DDX10: variants seen among roughly 807,000 people sequenced by gnomAD.
The protein encoded by DDX10 is probable ATP-dependent RNA helicase DDX10.
DDX10 carries 74 observed loss-of-function variants against 104.3 expected under a neutral mutation model. The observed-to-expected ratio is 0.71, with a 90% CI of 0.59 to 0.86. DDX10 has a LOEUF of 0.86. Ranked by LOEUF, DDX10 falls within the 40% of genes least tolerant of loss-of-function variation. The pLI is 0.00. For synonymous variants in DDX10, 351 were observed against 353.4 expected, an observed-to-expected ratio of 0.99 and a Z score of 0.08; for missense variants, 952 against 1,040.0, an observed-to-expected ratio of 0.92 and a Z score of 1.16.
At chr11:108,761,145 G>T (rs921114276) in intron 13 of DDX10, among the ~76,000 whole-genome samples, 1 of 151,980 alleles carries the variant, frequency 6.6e-6, no homozygotes, top group Admixed American at 6.6e-5. Flanking sequence ...CAAGGACCTG[G>T]TTAGTTTTCT....
At chr11:108,694,338 C>G (rs542644813) in intron 9 of DDX10, among the ~76,000 whole-genome samples, 3 of 152,146 alleles carry the variant, frequency 2.0e-5, no homozygotes, top group Non-Finnish European at 4.4e-5. Flanking sequence ...CAAAGATCCA[C>G]AGAGCCAGGA....
intron 7 of DDX10, 69 bp downstream of exon 7, chr11:108,689,131 A>G: frequency 6.6e-7 from 1 of 1,506,874 alleles, no homozygotes; most frequent in Admixed American, 1.7e-5. Flanking sequence ...AATCAATTAG[A>G]CAAATTATTA....
At chr11:108,885,556 G>C (rs113377173) in intron 16 of DDX10, among the ~76,000 whole-genome samples, 6 of 151,684 alleles carry the variant, frequency 4.0e-5, no homozygotes, top group African/African-American at 1.2e-4. Context: ...CAGGGTTTCG[G>C]GTTTCACAGG....
chr11:108,707,284 T>C (rs1443648967), intron 10 of DDX10, among the ~76,000 whole-genome samples: 1 of 152,206 alleles, frequency 6.6e-6, no homozygotes, highest in Non-Finnish European at 1.5e-5. Flanking sequence ...CCCCTCCCCC[T>C]GAACCTCTGA....
intron 13 of DDX10, chr11:108,727,732 T>A (rs994885220): frequency 4.9e-5 from 8 of 162,184 alleles, no homozygotes; most frequent in Non-Finnish European, 9.8e-5. Context: ...TAAGGTACAA[T>A]GTCCTTACCT....
intron 11 of DDX10, 86 bp downstream of exon 11, chr11:108,716,052 A>G (rs1473068803): frequency 1.3e-6 from 1 of 758,146 alleles, no homozygotes; most frequent in Non-Finnish European, 2.3e-6. Context: ...TTGCATGTTT[A>G]TGCTTCAGAT....
intron 13 of DDX10, among the ~76,000 whole-genome samples, chr11:108,795,776 A>G (rs186610923): frequency 2.0e-5 from 3 of 152,114 alleles, no homozygotes; most frequent in East Asian, 1.9e-4. Flanking sequence ...AGTCTTTGCT[A>G]TTGTGAATAG....
intron 17 of DDX10, among the ~76,000 whole-genome samples, chr11:108,924,130 G>A (rs539858576): frequency 5.3e-4 from 81 of 151,898 alleles, no homozygotes; most frequent in African/African-American, 1.4e-3. Flanking sequence ...AGAAACAGCC[G>A]GATGTTCCAG....
intron 1 of DDX10, among the ~76,000 whole-genome samples, chr11:108,670,953 T>A (rs1304045780): frequency 6.6e-6 from 1 of 152,086 alleles, no homozygotes; most frequent in Non-Finnish European, 1.5e-5. Context: ...ACCAGAGAGT[T>A]GTGAGAAGTA....
At chr11:108,713,787 T>G (rs2094287682) in intron 10 of DDX10, among the ~76,000 whole-genome samples, 1 of 152,198 alleles carries the variant, frequency 6.6e-6, no homozygotes, top group Non-Finnish European at 1.5e-5. Context: ...ATGTTAGTGC[T>G]GTGGTGGTAA....
chr11:108,842,284 G>A (rs1289534416), intron 15 of DDX10, among the ~76,000 whole-genome samples: 1 of 152,028 alleles, frequency 6.6e-6, no homozygotes, highest in Admixed American at 6.5e-5. Context: ...ATTTTTTAAA[G>A]AACTTTCTTT....
intron 17 of DDX10, among the ~76,000 whole-genome samples, chr11:108,931,191 T>G (rs1863971890): frequency 6.6e-6 from 1 of 152,128 alleles, no homozygotes; most frequent in Admixed American, 6.5e-5. Context: ...CCTTACATGG[T>G]AAAGACCAAT....
rs1367105360 is a variant in DDX10 at position 108,804,626 on chromosome 11, C to T, written c.1966-33820C>T. On this transcript the variant is annotated intron_variant, in intron 13 of 17. Transcript: ENST00000322536. ...GCACAGCTTAGCTGGGATCTCTGCT[C>T]AGGGTCTCATAAGGCTGCAATTAAG... Among the ~76,000 whole-genome samples, 3 of 152,156 alleles carry T rather than the reference C, an allele frequency of 2.0e-5. No homozygotes were observed. The East Asian group carries it at 5.8e-4, about 29-fold the overall frequency.
chr11:108,738,784 G>A (rs1328057214), intron 13 of DDX10, among the ~76,000 whole-genome samples: 1 of 152,118 alleles, frequency 6.6e-6, no homozygotes, highest in East Asian at 1.9e-4. Context: ...CTACTTGCAG[G>A]TTAACGTATT....
intron 10 of DDX10, among the ~76,000 whole-genome samples, chr11:108,712,235 GT>G (rs1340962531): frequency 6.6e-6 from 1 of 152,142 alleles, no homozygotes; most frequent in African/African-American, 2.4e-5. Flanking sequence ...GTTGGGTCTT[GT>G]TTTTTGATCC....
intron 13 of DDX10, among the ~76,000 whole-genome samples, chr11:108,764,152 A>G (rs2094353820): frequency 6.6e-6 from 1 of 152,158 alleles, no homozygotes; most frequent in Non-Finnish European, 1.5e-5. Context: ...GCCTCCTTCA[A>G]TTTTATTTTA....
chr11:108,748,550 T>C (rs1282719821), intron 13 of DDX10, among the ~76,000 whole-genome samples: 1 of 152,194 alleles, frequency 6.6e-6, no homozygotes, highest in Non-Finnish European at 1.5e-5. Flanking sequence ...GAAGACAGAA[T>C]GTACTGATTA....
chr11:108,891,959 A>G (rs1436081252), intron 16 of DDX10, among the ~76,000 whole-genome samples: 2 of 152,160 alleles, frequency 1.3e-5, no homozygotes, highest in African/African-American at 2.4e-5. Flanking sequence ...TATTATCGAT[A>G]GCTTCTTAAT....
chr11:108,764,969 C>T (rs1433549881), intron 13 of DDX10, among the ~76,000 whole-genome samples: 1 of 152,096 alleles, frequency 6.6e-6, no homozygotes, highest in Admixed American at 6.5e-5. Flanking sequence ...TGACAACATG[C>T]AAATGAAAAC....
Sources: allele counts gnomAD v4.1 joint callset (sites outside exome capture counted in the v4.1 genomes callset), GRCh38; gene constraint gnomAD v4.1.1; transcripts MANE v1.5; gene names NCBI Gene and HGNC (gene_info 2026-07-23, HGNC 2026-07-21).